Variants in NCAM1 observed in about 807,000 individuals in gnomAD.
NCAM1 encodes antigen recognized by monoclonal antibody 5.1H11.
In NCAM1, 14 loss-of-function variants were observed where a neutral mutation model predicts 109.8. The ratio of observed to expected loss-of-function variants is 0.13; its 90% CI spans 0.08 to 0.20. The LOEUF (loss-of-function observed/expected upper bound fraction) is 0.20, where lower values mean the gene tolerates loss of function less well. NCAM1 is among the 10% of genes least tolerant of loss of function. The probability of loss-of-function intolerance (pLI) is 1.00; values close to 1 mark genes in which losing one functional copy is unlikely to be tolerated. For synonymous variants in NCAM1, 418 were observed against 442.9 expected, an observed-to-expected ratio of 0.94 and a Z score of 0.70; for missense variants, 774 against 1,109.9, an observed-to-expected ratio of 0.70 and a Z score of 4.30.
chr11:112,990,901 A>G lies in NCAM1; in HGVS notation c.52+29237A>G, dbSNP rs139901164. Among the ~76,000 whole-genome samples the G allele has an allele frequency of 1.5e-3, 221 of 152,254 alleles. 1 individual carries two copies. Among genetic ancestry groups the G allele is most frequent in the African/African-American group, 5.0e-3 (209 of 41,558 alleles). ...ACTCCATTTTATGTAAATTTATACC[A>G]TTACCTGATTTATCAATTTATCACA... is the stretch of plus-strand genomic sequence containing the variant. On this transcript the variant is annotated intron_variant, in intron 1 of 19. Transcript: ENST00000316851.
intron 1 of NCAM1, among the ~76,000 whole-genome samples, chr11:113,200,242 T>C (rs936997636): frequency 6.6e-6 from 1 of 152,164 alleles, no homozygotes; most frequent in Non-Finnish European, 1.5e-5. Context: ...GACCGTGGCA[T>C]AGACACAGCT....
At chr11:113,168,979 T>C (rs1942898918) in intron 1 of NCAM1, among the ~76,000 whole-genome samples, 1 of 151,986 alleles carries the variant, frequency 6.6e-6, no homozygotes, top group Non-Finnish European at 1.5e-5. Context: ...AGGCAGGATG[T>C]AAATGTGCTT....
At chr11:113,224,866 G>A (rs1207841543) in intron 9 of NCAM1, among the ~76,000 whole-genome samples, 3 of 152,238 alleles carry the variant, frequency 2.0e-5, no homozygotes, top group African/African-American at 7.2e-5. Context: ...ACCTGCAGCT[G>A]AGGGTCCTGA....
intron 19 of NCAM1, 131 bp from the exon 20 acceptor site, chr11:113,275,136 G>A (rs1946374984): frequency 8.2e-7 from 1 of 1,221,370 alleles, no homozygotes; most frequent in East Asian, 2.6e-5. Flanking sequence ...TGATTTGACG[G>A]GCAGAGGTTG....
At chr11:113,128,110 G>A (rs531629728) in intron 1 of NCAM1, among the ~76,000 whole-genome samples, 31 of 152,184 alleles carry the variant, frequency 2.0e-4, no homozygotes, top group African/African-American at 2.7e-4. Flanking sequence ...TACTTAATCC[G>A]TGCACCATTC....
At chr11:113,180,199 C>T (rs1555107732) in intron 1 of NCAM1, among the ~76,000 whole-genome samples, 1 of 152,184 alleles carries the variant, frequency 6.6e-6, no homozygotes, top group Non-Finnish European at 1.5e-5. Flanking sequence ...CTGCTGGGCA[C>T]AGGTATGACT....
chr11:113,197,613 G>A (rs1349049287), intron 1 of NCAM1, among the ~76,000 whole-genome samples: 1 of 152,130 alleles, frequency 6.6e-6, no homozygotes, highest in Non-Finnish European at 1.5e-5. Flanking sequence ...TTGGCCTTGG[G>A]CCCTGAACAT....
At chr11:113,194,415 T>C (rs1368442045) in intron 1 of NCAM1, among the ~76,000 whole-genome samples, 4 of 152,164 alleles carry the variant, frequency 2.6e-5, no homozygotes, top group Non-Finnish European at 5.9e-5. Context: ...GGAGAATTCT[T>C]ACCAGGACTG....
chr11:113,142,418 G>A (rs1251895497), intron 1 of NCAM1, among the ~76,000 whole-genome samples: 1 of 152,174 alleles, frequency 6.6e-6, no homozygotes, highest in African/African-American at 2.4e-5. Context: ...TGTTCTCTGA[G>A]TATGTAACAC....
At chr11:113,149,797 T>C (rs573619394) in intron 1 of NCAM1, among the ~76,000 whole-genome samples, 1 of 152,368 alleles carries the variant, frequency 6.6e-6, no homozygotes, top group African/African-American at 2.4e-5. Context: ...CTATTTATAA[T>C]GCAGTTTCTA....
chr11:113,207,631 C>T (rs1261153739), intron 6 of NCAM1, among the ~76,000 whole-genome samples: 1 of 152,102 alleles, frequency 6.6e-6, no homozygotes, highest in South Asian at 2.1e-4. Flanking sequence ...TTTGTGGGTA[C>T]AGTTGCAGCC....
chr11:113,248,741 G>A (rs915843101), intron 15 of NCAM1, among the ~76,000 whole-genome samples: 9 of 152,182 alleles, frequency 5.9e-5, no homozygotes, highest in Non-Finnish European at 1.3e-4. Flanking sequence ...GCAGCACTGC[G>A]TGAAGTGTGG....
chr11:113,197,677 A>G (rs1166639981), intron 1 of NCAM1, among the ~76,000 whole-genome samples: 13 of 152,134 alleles, frequency 8.5e-5, no homozygotes, highest in African/African-American at 3.1e-4. Flanking sequence ...ACAAGGAAGT[A>G]TTTTCAATTA....
chr11:113,056,363 G>T (rs577666605), intron 1 of NCAM1, among the ~76,000 whole-genome samples: 1 of 152,086 alleles, frequency 6.6e-6, no homozygotes, highest in African/African-American at 2.4e-5. Flanking sequence ...TTAACAATAT[G>T]TATTTCAAAA....
At chr11:113,174,341 G>A (rs1943085098) in intron 1 of NCAM1, among the ~76,000 whole-genome samples, 1 of 152,270 alleles carries the variant, frequency 6.6e-6, no homozygotes, top group Admixed American at 6.5e-5. Flanking sequence ...ACAAACACCA[G>A]GTATTTCTAA....
At chr11:113,269,670 G>A (rs1208809420) in intron 17 of NCAM1, 2 of 168,046 alleles carry the variant, frequency 1.2e-5, no homozygotes, top group Non-Finnish European at 2.6e-5. Context: ...AAGAGGAAGT[G>A]GAGAAGTATA....
At chr11:113,038,909 C>G (rs191980837) in intron 1 of NCAM1, among the ~76,000 whole-genome samples, 1 of 152,100 alleles carries the variant, frequency 6.6e-6, no homozygotes, top group Non-Finnish European at 1.5e-5. Flanking sequence ...GTTGGTGTTC[C>G]AGGAAGGTGT....
chr11:113,152,009 C>G (rs1325966493), intron 1 of NCAM1, among the ~76,000 whole-genome samples: 1 of 152,254 alleles, frequency 6.6e-6, no homozygotes, highest in African/African-American at 2.4e-5. Flanking sequence ...GTGCATAAAA[C>G]TTGCCTGTGA....
rs1555126952 is a variant in NCAM1, at chr11:113,277,864, A to AAAAAG, written c.*2481_*2482insGAAAA. ...GTTTTTCCTTTAAAAAAAAAAAAAAAAAAAAAAAAAAAGCAATGCTTTCTC... is the reference window on the plus strand; with the variant it reads ...GTTTTTCCTTTAAAAAAAAAAAAAAAAAAAGAAAAAAAAAAAAGCAATGCTTTCTC... On this transcript the variant is annotated 3_prime_UTR_variant, in exon 20 of 20. Transcript: ENST00000316851. The AAAAAG allele has an allele frequency of 1.3e-5, 2 of 154,628 alleles. No individual in the cohort carries two copies. The highest frequency in any genetic ancestry group is 2.4e-5 in the African/African-American group (1 of 41,358). The allele number at this position is 154,628 out of a possible 1,614,324, so 9.6% of individuals were successfully genotyped here.
Sources: allele counts gnomAD v4.1 joint callset (sites outside exome capture counted in the v4.1 genomes callset), GRCh38; gene constraint gnomAD v4.1.1; transcripts MANE v1.5; gene names NCBI Gene and HGNC (gene_info 2026-07-23, HGNC 2026-07-21).